The following ZNF385B variants were observed in gnomAD, a reference collection of about 807,000 sequenced individuals.
ZNF385B encodes the protein zinc finger protein 533.
Under a neutral mutation model 39.2 loss-of-function variants are expected in ZNF385B, and 23 were observed. That is an observed-to-expected ratio of 0.59 (90% CI 0.42 to 0.83). The LOEUF is 0.83. Among genes scored for constraint, ZNF385B ranks in the 40% least tolerant of loss-of-function variants. The pLI, the probability that ZNF385B is intolerant of heterozygous loss-of-function variation, is 0.00. For synonymous variants in ZNF385B, 205 were observed against 222.6 expected, an observed-to-expected ratio of 0.92 and a Z score of 0.70; for missense variants, 552 against 598.9, an observed-to-expected ratio of 0.92 and a Z score of 0.82.
chr2:179,820,408 T>C (rs1470736906), intron 1 of ZNF385B, among the ~76,000 whole-genome samples: 2 of 152,046 alleles, frequency 1.3e-5, no homozygotes, highest in Non-Finnish European at 2.9e-5. Flanking sequence ...GTTTACCAAA[T>C]GTTCATATCA....
chr2:179,486,561 G>A (rs551100109), intron 5 of ZNF385B, among the ~76,000 whole-genome samples: 10 of 152,248 alleles, frequency 6.6e-5, no homozygotes, highest in African/African-American at 9.6e-5. Flanking sequence ...TAGGAAATAC[G>A]TACTTAATTC....
At chr2:179,819,580 T>C (rs1459244154) in intron 1 of ZNF385B, among the ~76,000 whole-genome samples, 1 of 152,186 alleles carries the variant, frequency 6.6e-6, no homozygotes, top group South Asian at 2.1e-4. Flanking sequence ...AGAAGATAAA[T>C]ACAGACAATC....
At chr2:179,769,366 C>T in intron 3 of ZNF385B, 137 bp downstream of exon 3, 1 of 1,334,640 alleles carries the variant, frequency 7.5e-7, no homozygotes, top group Non-Finnish European at 1.0e-6. Flanking sequence ...ATGTATTTTA[C>T]CTGTAGGAGA....
intron 3 of ZNF385B, among the ~76,000 whole-genome samples, chr2:179,641,697 T>TAA (rs34379786): frequency 0.21 from 31,006 of 150,740 alleles, 3,446 homozygotes; most frequent in South Asian, 0.29. Flanking sequence ...AACCCTTAAG[T>TAA]AAAAAAAAAA....
At chr2:179,482,807 C>T (rs1350573010) in intron 6 of ZNF385B, among the ~76,000 whole-genome samples, 1 of 152,112 alleles carries the variant, frequency 6.6e-6, no homozygotes, top group African/African-American at 2.4e-5. Context: ...AAGTTCCCCC[C>T]TTTGGCTCCT....
intron 1 of ZNF385B, among the ~76,000 whole-genome samples, chr2:179,847,986 A>C (rs565560778): frequency 6.6e-6 from 1 of 152,278 alleles, no homozygotes; most frequent in East Asian, 1.9e-4. Context: ...TCCATGGTGG[A>C]ACATAGCTCT....
intron 3 of ZNF385B, among the ~76,000 whole-genome samples, chr2:179,653,261 C>G (rs1693378376): frequency 1.3e-5 from 2 of 152,126 alleles, no homozygotes; most frequent in South Asian, 2.1e-4. Flanking sequence ...TTTCAGGAGC[C>G]AATAGATCTC....
rs72954340 is a variant in ZNF385B at position 179,524,893 on chromosome 2, C to G, written c.442-6255G>C. ...ATTCTCCCAGGGGTATTTTCTTTTT[C>G]TTTTTTCTAGCTGTGTAATAACAAT... On this transcript the variant is annotated intron_variant, in intron 4 of 9. Transcript: ENST00000410066. Among the ~76,000 whole-genome samples the G allele has an allele frequency of 1.5e-3, 229 of 152,032 alleles. 1 individual carries two copies. The highest frequency in any genetic ancestry group is 2.6e-3 in the Non-Finnish European group (174 of 67,964).
Position 179,503,440 on chromosome 2 carries a change from G to C in ZNF385B, c.552+15088C>G, listed in dbSNP as rs577317786. ...TATGAAAATGAAAACTAATGCAAAA[G>C]ACAATTATTCAATGTTTAAATCTCT... On this transcript the variant is annotated intron_variant, in intron 5 of 9. Coordinates refer to ENST00000410066, the MANE Select transcript of ZNF385B (RefSeq NM_152520.6). Among the ~76,000 whole-genome samples the C allele has an allele frequency of 1.6e-4, 24 of 152,308 alleles. 1 individual carries two copies. The highest frequency in any genetic ancestry group is 5.8e-4 in the African/African-American group (24 of 41,576).
chr2:179,762,855 T>G (rs527823032), intron 3 of ZNF385B, among the ~76,000 whole-genome samples: 232 of 152,306 alleles, frequency 1.5e-3, no homozygotes, highest in South Asian at 3.9e-3. Context: ...TAATGATAAA[T>G]TCAGCTTATT....
intron 3 of ZNF385B, chr2:179,745,629 C>T (rs1702335334): frequency 7.9e-7 from 1 of 1,270,818 alleles, no homozygotes; most frequent in Non-Finnish European, 1.1e-6. Flanking sequence ...TTGAGGACTC[C>T]ACAGGATTCA....
At chr2:179,573,615 C>T (rs713463) in intron 3 of ZNF385B, among the ~76,000 whole-genome samples, 87,085 of 151,860 alleles carry the variant, frequency 0.57, 25,792 homozygotes, top group East Asian at 0.96. Flanking sequence ...AGATTAAAAG[C>T]TAAATTTAAG....
chr2:179,711,822 T>G (rs1700015963), intron 3 of ZNF385B, among the ~76,000 whole-genome samples: 2 of 152,136 alleles, frequency 1.3e-5, no homozygotes, highest in African/African-American at 4.8e-5. Flanking sequence ...AAACTGCATT[T>G]TTTTTAACAA....
chr2:179,589,699 C>T (rs1687391312), intron 3 of ZNF385B, among the ~76,000 whole-genome samples: 1 of 152,300 alleles, frequency 6.6e-6, no homozygotes, highest in East Asian at 1.9e-4. Context: ...TCTCACTTTA[C>T]CTCACTAGCT....
intron 6 of ZNF385B, among the ~76,000 whole-genome samples, chr2:179,463,654 T>C (rs2051623976): frequency 6.6e-6 from 1 of 152,178 alleles, no homozygotes; most frequent in Non-Finnish European, 1.5e-5. Context: ...GTTTCCAGCT[T>C]CATCTATGTC....
chr2:179,798,668 T>G (rs139638994), intron 1 of ZNF385B, among the ~76,000 whole-genome samples: 3 of 152,192 alleles, frequency 2.0e-5, no homozygotes, highest in Non-Finnish European at 4.4e-5. Context: ...ATAATTTAAA[T>G]TCTTTTTACC....
chr2:179,535,451 A>AT (rs1368932474), intron 4 of ZNF385B, among the ~76,000 whole-genome samples: 6 of 152,162 alleles, frequency 3.9e-5, no homozygotes, highest in African/African-American at 1.4e-4. Flanking sequence ...TGATATTTAG[A>AT]TTTTTTGTTT....
rs191351077 is a variant in ZNF385B, at chr2:179,587,063, G to A, written c.299-42094C>T. On this transcript the variant is annotated intron_variant, in intron 3 of 9. Transcript: ENST00000410066. ...CAAAAAAACAAACAAAAAAAATTAT[G>A]TATAATTTTACTTTATATTCACCTT... Among the ~76,000 whole-genome samples, 513 of 150,556 alleles carry A rather than the reference G, an allele frequency of 3.4e-3. 4 individuals carry two copies. The highest frequency in any genetic ancestry group is 0.012 in the African/African-American group (484 of 41,016).
At chr2:179,636,037 TA>T (rs2106205392) in intron 3 of ZNF385B, among the ~76,000 whole-genome samples, 1 of 152,358 alleles carries the variant, frequency 6.6e-6, no homozygotes, top group South Asian at 2.1e-4. Context: ...GATGCATTTA[TA>T]ATTGTATACA....
Sources: allele counts gnomAD v4.1 joint callset (sites outside exome capture counted in the v4.1 genomes callset), GRCh38; gene constraint gnomAD v4.1.1; transcripts MANE v1.5; gene names NCBI Gene and HGNC (gene_info 2026-07-23, HGNC 2026-07-21).